Variants in ZBTB7C observed in about 807,000 individuals in gnomAD.
ZBTB7C encodes the protein zinc finger and BTB domain containing 7C, also known as zinc finger and BTB domain-containing protein 7C.
Under a neutral mutation model 25.7 loss-of-function variants are expected in ZBTB7C, and 8 were observed. The ratio of observed to expected loss-of-function variants is 0.31; its 90% CI spans 0.18 to 0.56. ZBTB7C has a LOEUF of 0.56. Ranked by LOEUF, ZBTB7C falls within the 20% of genes least tolerant of loss-of-function variation. The pLI is 0.91. For synonymous variants in ZBTB7C, 394 were observed against 369.0 expected (o/e 1.07, Z -0.78); for missense variants, 824 against 855.2 (o/e 0.96, Z 0.46).
intron 3 of ZBTB7C, among the ~76,000 whole-genome samples, chr18:48,118,113 C>T (rs2039508104): frequency 6.6e-6 from 1 of 151,626 alleles, no homozygotes; most frequent in South Asian, 2.1e-4. Context: ...TCAAGCGATT[C>T]CCCTGCCTCA....
In ZBTB7C at chr18:48,040,707, C is replaced by T. The variant is rs759037179; in HGVS notation, c.401G>A (p.Gly134Glu). 6.2e-7 allele frequency: 1 copy of T among 1,613,870 alleles called. No individual in the cohort carries two copies. The highest frequency in any genetic ancestry group is 8.5e-7 in the Non-Finnish European group (1 of 1,179,906). Residue 134 changes from glycine (G) to glutamate (E), a missense_variant, in exon 4 of 5, where the codon GGG becomes GAG. Gly to Glu is a moderately conservative substitution (Grantham distance 98). Coordinates refer to ENST00000590800, the MANE Select transcript of ZBTB7C (RefSeq NM_001318841.2). Reference protein sequence around the residue: ...LEIMEPGGDGGEEDDKEDDDD... With the variant: ...LEIMEPGGDGEEEDDKEDDDD... Reference sequence around the variant, plus strand: ...ATCGTCCTCCTTGTCATCCTCCTCCCCCCCGTCCCCCCCAGGCTCCATGAT... The same window carrying T: ...ATCGTCCTCCTTGTCATCCTCCTCCTCCCCGTCCCCCCCAGGCTCCATGAT...
chr18:48,220,457 T>C (rs1273610599), intron 2 of ZBTB7C, among the ~76,000 whole-genome samples: 1 of 152,186 alleles, frequency 6.6e-6, no homozygotes, highest in Non-Finnish European at 1.5e-5. Context: ...CAAATACTTA[T>C]TGAGCACCTA....
At chr18:48,227,226 C>T (rs1408014252) in intron 2 of ZBTB7C, among the ~76,000 whole-genome samples, 3 of 152,188 alleles carry the variant, frequency 2.0e-5, no homozygotes, top group East Asian at 1.9e-4. Context: ...ATTCTGTTTA[C>T]AGTGAGCAAT....
At chr18:48,207,160 T>A (rs372758298) in intron 2 of ZBTB7C, among the ~76,000 whole-genome samples, 1 of 152,200 alleles carries the variant, frequency 6.6e-6, no homozygotes, top group Admixed American at 6.5e-5. Context: ...TGAAGTGAGA[T>A]GTCAAGCGCT....
rs191073484 is a variant in ZBTB7C at position 48,137,000 on chromosome 18, G to A, written c.-17+48934C>T. On this transcript the variant is annotated intron_variant, in intron 3 of 4. Coordinates refer to ENST00000590800, the MANE Select transcript of ZBTB7C (RefSeq NM_001318841.2). ...CCAGAGGCGGGCCGAGGCCGCCGCA[G>A]ACCCACCTGGCCGCCCCGGGGACGC... The A allele has an allele frequency of 2.8e-4, 279 of 984,428 alleles. No individual in the cohort carries two copies. The African/African-American group carries it at 4.6e-3, about 16-fold the overall frequency. The allele number at this position is 984,428 out of a possible 1,614,324, so 61.0% of individuals were successfully genotyped here.
chr18:48,285,350 T>G (rs2045012115), intron 2 of ZBTB7C, among the ~76,000 whole-genome samples: 1 of 152,256 alleles, frequency 6.6e-6, no homozygotes, highest in Non-Finnish European at 1.5e-5. Context: ...GATTATTATA[T>G]GTCCTAGCAG....
chr18:48,143,486 GC>G (rs1375828897), intron 3 of ZBTB7C, among the ~76,000 whole-genome samples: 2 of 152,170 alleles, frequency 1.3e-5, no homozygotes, highest in Non-Finnish European at 1.5e-5. Flanking sequence ...CTGTGTGCAA[GC>G]CAGGATCCCT....
rs113048119 is a variant in ZBTB7C at position 48,351,021 on chromosome 18, G to A, written c.-303-12623C>T. The stretch of plus-strand genomic sequence containing the variant: ...CAATCTCGTATGTATACCATTTCCT[G>A]TATGTGCCTGGATGTCTGTAGAATA... On this transcript the variant is annotated intron_variant, in intron 1 of 4. Coordinates refer to ENST00000590800, the MANE Select transcript of ZBTB7C (RefSeq NM_001318841.2). 4.6e-3 allele frequency among the ~76,000 whole-genome samples: 705 copies of A among 151,824 alleles called. 5 individuals are homozygous for A. Among genetic ancestry groups the A allele is most frequent in the South Asian group, 0.028 (134 of 4,798 alleles).
At chr18:48,250,901 T>C (rs1438946693) in intron 2 of ZBTB7C, among the ~76,000 whole-genome samples, 3 of 152,120 alleles carry the variant, frequency 2.0e-5, no homozygotes, top group African/African-American at 7.2e-5. Flanking sequence ...TGTGATTTGC[T>C]TGAACTTAAA....
chr18:48,112,168 T>C (rs1442135544), intron 3 of ZBTB7C, among the ~76,000 whole-genome samples: 1 of 152,136 alleles, frequency 6.6e-6, no homozygotes, highest in Non-Finnish European at 1.5e-5. Context: ...TCCCAATTTG[T>C]TTAATAAAAT....
chr18:48,096,060 G>A (rs529180747), intron 3 of ZBTB7C, among the ~76,000 whole-genome samples: 26 of 152,322 alleles, frequency 1.7e-4, no homozygotes, highest in African/African-American at 5.0e-4. Context: ...CAGCTCTGCC[G>A]TTATCGGGGG....
chr18:48,343,350 G>C lies in ZBTB7C; in HGVS notation c.-303-4952C>G, dbSNP rs541293340. ...CCTGTGTTTGTCCCCACCATGAACA[G>C]TGAGAGGAATTTGTCCCTGGGCAAA... On this transcript the variant is annotated intron_variant, in intron 1 of 4. Coordinates refer to ENST00000590800, the MANE Select transcript of ZBTB7C (RefSeq NM_001318841.2). Among the ~76,000 whole-genome samples the C allele has an allele frequency of 4.6e-5, 7 of 152,232 alleles. No individual in the cohort carries two copies. The South Asian group carries it at 1.5e-3, about 32-fold the overall frequency.
At chr18:48,189,450 G>T (rs1366945526) in intron 2 of ZBTB7C, among the ~76,000 whole-genome samples, 1 of 152,094 alleles carries the variant, frequency 6.6e-6, no homozygotes, top group Non-Finnish European at 1.5e-5. Context: ...TTGGAGACAG[G>T]GGGAGACTGA....
chr18:48,210,082 GC>G (rs1372676235), intron 2 of ZBTB7C, among the ~76,000 whole-genome samples: 2 of 152,156 alleles, frequency 1.3e-5, no homozygotes, highest in African/African-American at 4.8e-5. Flanking sequence ...AATATCATTA[GC>G]CACCAGGGAA....
intron 1 of ZBTB7C, among the ~76,000 whole-genome samples, chr18:48,392,219 A>G (rs1293142325): frequency 6.6e-6 from 1 of 152,192 alleles, no homozygotes; most frequent in Non-Finnish European, 1.5e-5. Context: ...CCTTCCCACC[A>G]CACATTGGGT....
At position 48,040,232 on chromosome 18, in the gene ZBTB7C, C is replaced by T; in HGVS notation, c.876G>A (p.Glu292=). The T allele has an allele frequency of 6.4e-7, 1 of 1,568,472 alleles. No individual in the cohort carries two copies. The highest frequency in any genetic ancestry group is 8.6e-7 in the Non-Finnish European group (1 of 1,159,588). Reference sequence around the variant, plus strand: ...GGGGTGGGGGCAGCTCCTCCTTCTCCTCCTCCTTGATCTTCCGATTCTTGA... The same window carrying T: ...GGGGTGGGGGCAGCTCCTCCTTCTCTTCCTCCTTGATCTTCCGATTCTTGA... ...LVIKNRKIKE[E]EKEELPPPPP... The change falls in exon 4 of 5, where the codon GAG becomes GAA. Residue 292 remains glutamate, a synonymous_variant. Transcript: ENST00000590800.
chr18:48,180,188 G>C, intron 3 of ZBTB7C: 1 of 145,980 alleles, frequency 6.9e-6, no homozygotes, highest in South Asian at 7.1e-5. Flanking sequence ...TCCCTTCCCT[G>C]CAAGGAAGAT....
chr18:48,067,343 T>C (rs1371083153), intron 3 of ZBTB7C, among the ~76,000 whole-genome samples: 1 of 152,184 alleles, frequency 6.6e-6, no homozygotes, highest in Non-Finnish European at 1.5e-5. Context: ...GTTGACCACT[T>C]CTCTACTTCC....
intron 3 of ZBTB7C, among the ~76,000 whole-genome samples, chr18:48,058,345 G>GTA (rs978343032): frequency 6.6e-6 from 1 of 152,146 alleles, no homozygotes; most frequent in African/African-American, 2.4e-5. Flanking sequence ...GCCCTTTGTG[G>GTA]GACCCTGCCA....
Sources: allele counts gnomAD v4.1 joint callset (sites outside exome capture counted in the v4.1 genomes callset), GRCh38; gene constraint gnomAD v4.1.1; transcripts MANE v1.5; gene names NCBI Gene and HGNC (gene_info 2026-07-23, HGNC 2026-07-21).